The following SERINC5 variants were observed in gnomAD, a reference collection of about 807,000 sequenced individuals.
The protein encoded by SERINC5 is serine incorporator 5, also known as chromosome 5 open reading frame 12.
In SERINC5, 41 loss-of-function variants were observed where a neutral mutation model predicts 63.1. The ratio of observed to expected loss-of-function variants is 0.65; its 90% CI spans 0.51 to 0.84. SERINC5 has a LOEUF of 0.84. Among genes scored for constraint, SERINC5 ranks in the 40% least tolerant of loss-of-function variants. The pLI is 0.00. For synonymous variants in SERINC5, 222 were observed against 215.2 expected (o/e 1.03, Z -0.28); for missense variants, 523 against 573.0 (o/e 0.91, Z 0.89).
At chr5:80,230,456 A>AG (rs1751386435) in intron 1 of SERINC5, among the ~76,000 whole-genome samples, 1 of 148,608 alleles carries the variant, frequency 6.7e-6, no homozygotes, top group South Asian at 2.1e-4. Context: ...AAAAAAAAAA[A>AG]AAAAAAGAAA....
rs1747874757 is a variant in SERINC5 at position 80,174,369 on chromosome 5, A to AAAAAATAAT, written c.551+584_551+585insATTATTTTT. 2.3e-5 allele frequency among the ~76,000 whole-genome samples: 3 copies of AAAAAATAAT among 131,718 alleles called. No individual in the cohort carries two copies. In the South Asian group the frequency reaches 7.8e-4, roughly 34 times the overall value. The allele number at this position is 131,718 out of a possible 152,430, so 86.4% of individuals were successfully genotyped here. The stretch of plus-strand genomic sequence containing the variant: ...ATGACAAAGTGGGATCCCATCTCAA[A>AAAAAATAAT]AATAATAATAATAATAATAATAATA... On this transcript the variant is annotated intron_variant, in intron 5 of 11. Transcript: ENST00000507668.
At chr5:80,238,209 C>T (rs1751792503) in intron 1 of SERINC5, among the ~76,000 whole-genome samples, 1 of 151,824 alleles carries the variant, frequency 6.6e-6, no homozygotes, top group Non-Finnish European at 1.5e-5. Flanking sequence ...CAGCTTCATG[C>T]TTTTCAAAGC....
intron 8 of SERINC5, 62 bp downstream of exon 8, chr5:80,158,774 C>G (rs1746695701): frequency 6.5e-7 from 1 of 1,537,250 alleles, no homozygotes; most frequent in Non-Finnish European, 8.9e-7. Context: ...AAAGTTATTT[C>G]AATTCTTTTC....
At chr5:80,156,750 G>A in intron 8 of SERINC5, among the ~76,000 whole-genome samples, 1 of 151,890 alleles carries the variant, frequency 6.6e-6, no homozygotes, top group East Asian at 1.9e-4. Flanking sequence ...CTCCACTATG[G>A]TACCTCAGTC....
At position 80,256,012 on chromosome 5, in the gene SERINC5, C is replaced by T; in HGVS notation, c.-90G>A. On this transcript the variant is annotated 5_prime_UTR_variant, in exon 1 of 12. Coordinates refer to ENST00000507668, the MANE Select transcript of SERINC5 (RefSeq NM_001174072.3). ...CTCGCGCCTCGAGCGCTGGGCTCAG[C>T]CGCAGCTCACACTTGAACGAAGATC... 7.7e-7 allele frequency: 1 copy of T among 1,291,588 alleles called. No individual in the cohort carries two copies. The highest frequency in any genetic ancestry group is 3.0e-5 in the Admixed American group (1 of 33,176). The allele number at this position is 1,291,588 out of a possible 1,614,324, so 80.0% of individuals were successfully genotyped here.
intron 11 of SERINC5, chr5:80,113,705 T>C: frequency 5.8e-6 from 1 of 172,754 alleles, no homozygotes. Flanking sequence ...CTCATGAGAC[T>C]TATTCACTAT....
chr5:80,155,572 C>CAGAAAAAAAA (rs1746466817), intron 8 of SERINC5, among the ~76,000 whole-genome samples: 1 of 117,614 alleles, frequency 8.5e-6, no homozygotes, highest in African/African-American at 3.7e-5. Flanking sequence ...AACTCCGTCT[C>CAGAAAAAAAA]AAAAAAAAAA....
At chr5:80,216,391 C>T (rs1750664245) in intron 1 of SERINC5, among the ~76,000 whole-genome samples, 1 of 152,214 alleles carries the variant, frequency 6.6e-6, no homozygotes, top group African/African-American at 2.4e-5. Context: ...AGAGCCATCT[C>T]CACAGTCAGA....
intron 11 of SERINC5, among the ~76,000 whole-genome samples, chr5:80,117,109 G>A (rs918716273): frequency 6.6e-6 from 1 of 152,078 alleles, no homozygotes; most frequent in Non-Finnish European, 1.5e-5. Context: ...GGGATTACAG[G>A]TGTGAGCCAC....
chr5:80,169,857 A>T (rs1747537144), intron 5 of SERINC5, among the ~76,000 whole-genome samples: 1 of 152,182 alleles, frequency 6.6e-6, no homozygotes, highest in Non-Finnish European at 1.5e-5. Flanking sequence ...TGAGAGACTG[A>T]GGCAACAGTC....
At chr5:80,152,135 C>T (rs1746229969) in intron 8 of SERINC5, among the ~76,000 whole-genome samples, 1 of 152,218 alleles carries the variant, frequency 6.6e-6, no homozygotes, top group South Asian at 2.1e-4. Context: ...TGACTGTGTG[C>T]CTGGTCAGAG....
chr5:80,126,593 A>G (rs1243287330), intron 11 of SERINC5, among the ~76,000 whole-genome samples: 3 of 152,152 alleles, frequency 2.0e-5, no homozygotes, highest in African/African-American at 7.2e-5. Context: ...TCCAACATAC[A>G]TTTTCTTCTT....
chr5:80,225,280 A>T (rs1029821148), intron 1 of SERINC5, among the ~76,000 whole-genome samples: 8 of 152,236 alleles, frequency 5.3e-5, no homozygotes, highest in Admixed American at 1.3e-4. Context: ...TGCTGTTATC[A>T]TCCACCTCTA....
intron 5 of SERINC5, among the ~76,000 whole-genome samples, chr5:80,174,245 T>G (rs1008567379): frequency 6.6e-6 from 1 of 151,930 alleles, no homozygotes; most frequent in Non-Finnish European, 1.5e-5. Flanking sequence ...CACATGCCTG[T>G]AGTCCCAGCT....
intron 1 of SERINC5, among the ~76,000 whole-genome samples, chr5:80,205,485 T>C (rs1750111018): frequency 6.6e-6 from 1 of 152,224 alleles, no homozygotes; most frequent in Admixed American, 6.5e-5. Flanking sequence ...TGAGAGTATG[T>C]AACTTGAAGC....
chr5:80,255,403 G>A lies in SERINC5; in HGVS notation c.27+493C>T, dbSNP rs892956818. 3.9e-5 allele frequency among the ~76,000 whole-genome samples: 6 copies of A among 152,062 alleles called. No individual in the cohort carries two copies. The East Asian group carries it at 1.2e-3, about 29-fold the overall frequency. On this transcript the variant is annotated intron_variant, in intron 1 of 11. Coordinates refer to ENST00000507668, the MANE Select transcript of SERINC5 (RefSeq NM_001174072.3). ...GTCAGGCTTCGAGACATTCTCAAAG[G>A]TACAGAGCCCACGCTCGACTACGAG...
chr5:80,167,754 T>G (rs1747398659), intron 6 of SERINC5, among the ~76,000 whole-genome samples: 1 of 152,206 alleles, frequency 6.6e-6, no homozygotes, highest in Non-Finnish European at 1.5e-5. Context: ...AGTTATAATA[T>G]TTCAAGGAAA....
chr5:80,176,471 G>A (rs985898331), intron 4 of SERINC5, among the ~76,000 whole-genome samples: 1 of 152,030 alleles, frequency 6.6e-6, no homozygotes, highest in African/African-American at 2.4e-5. Context: ...TCACTCTGTC[G>A]CCCAGGCTGG....
At chr5:80,128,603 A>C (rs1267572896) in intron 11 of SERINC5, among the ~76,000 whole-genome samples, 1 of 152,172 alleles carries the variant, frequency 6.6e-6, no homozygotes, top group Non-Finnish European at 1.5e-5. Context: ...GAGAGAGGGG[A>C]GATCTGGCAG....
Sources: gnomAD v4.1 joint callset for allele counts (sites outside exome capture counted in the v4.1 genomes callset) on GRCh38, gnomAD v4.1.1 for gene constraint, MANE v1.5 for transcripts, NCBI Gene and HGNC (gene_info 2026-07-23, HGNC 2026-07-21) for gene names.